The following ALG14 variants were observed in gnomAD, a reference collection of about 807,000 sequenced individuals.
ALG14 encodes ALG14 UDP-N-acetylglucosaminyltransferase subunit, also known as UDP-N-acetylglucosamine transferase subunit ALG14.
A neutral mutation model predicts 22.8 loss-of-function variants in ALG14; 17 were observed. The observed-to-expected ratio is 0.75, with a 90% CI of 0.51 to 1.12. The LOEUF (loss-of-function observed/expected upper bound fraction) is 1.12. Ranked by LOEUF, ALG14 falls within the 50% of genes most tolerant of loss-of-function variation. The pLI is 0.00. For missense variants in ALG14, 288 were observed against 271.8 expected (o/e 1.06, Z -0.42); for synonymous variants, 89 against 103.7 (o/e 0.86, Z 0.86).
chr1:95,020,501 G>A (rs1201010208), intron 3 of ALG14, among the ~76,000 whole-genome samples: 1 of 151,828 alleles, frequency 6.6e-6, no homozygotes, highest in Non-Finnish European at 1.5e-5. Context: ...CACTTTGGGA[G>A]GCCGAGGCGG....
At chr1:95,014,562 A>G (rs1451385018) in intron 3 of ALG14, among the ~76,000 whole-genome samples, 1 of 152,182 alleles carries the variant, frequency 6.6e-6, no homozygotes, top group Non-Finnish European at 1.5e-5. Context: ...TCCATTTCCC[A>G]TGGTGCCTAG....
intron 1 of ALG14, among the ~76,000 whole-genome samples, chr1:95,069,734 C>T (rs1157322449): frequency 6.6e-6 from 1 of 152,172 alleles, no homozygotes; most frequent in African/African-American, 2.4e-5. Flanking sequence ...CTTCTCCTGT[C>T]CTCTGTCTCT....
chr1:95,067,821 G>C (rs1342214452), intron 1 of ALG14, among the ~76,000 whole-genome samples: 1 of 152,058 alleles, frequency 6.6e-6, no homozygotes, highest in African/African-American at 2.4e-5. Context: ...AAATCCTCCA[G>C]TGGCTTCATG....
chr1:95,028,623 GC>G (rs1673899045), intron 2 of ALG14, among the ~76,000 whole-genome samples: 1 of 152,116 alleles, frequency 6.6e-6, no homozygotes. Context: ...TTTGAGACCA[GC>G]CTGGCCAACA....
At chr1:95,048,487 A>C (rs1458085116) in intron 2 of ALG14, among the ~76,000 whole-genome samples, 1 of 152,184 alleles carries the variant, frequency 6.6e-6, no homozygotes, top group African/African-American at 2.4e-5. Flanking sequence ...AGCAAATAAA[A>C]GAATGAACCA....
intron 3 of ALG14, among the ~76,000 whole-genome samples, chr1:94,986,422 A>C (rs983507471): frequency 6.6e-6 from 1 of 152,150 alleles, no homozygotes; most frequent in Non-Finnish European, 1.5e-5. Context: ...GCCAAACTTG[A>C]CCATCTGTAA....
In ALG14 at chr1:94,983,324, AG is replaced by A. The variant is rs1557936677; in HGVS notation, c.421-19del. On this transcript the variant is annotated intron_variant, in intron 3 of 3. Transcript: ENST00000370205. ...CACAACACCTGAAAGAAAAAGTTGA[AG>A]GTCAAATGAAAATACAGAATAATAA... 6.2e-7 allele frequency: 1 copy of A among 1,601,916 alleles called. No individual in the cohort carries two copies. The highest frequency in any genetic ancestry group is 8.5e-7 in the Non-Finnish European group (1 of 1,169,984).
At chr1:95,006,477 A>C (rs1413003934) in intron 3 of ALG14, among the ~76,000 whole-genome samples, 3 of 152,208 alleles carry the variant, frequency 2.0e-5, no homozygotes, top group Non-Finnish European at 2.9e-5. Context: ...CCATGGAAAC[A>C]CTTCAGAGAG....
intron 3 of ALG14, among the ~76,000 whole-genome samples, chr1:95,003,519 G>A (rs76357721): frequency 0.048 from 7,098 of 148,458 alleles, 227 homozygotes; most frequent in African/African-American, 0.087. Context: ...GCACCATAAT[G>A]ACTCACCACA....
At chr1:95,050,300 T>C (rs1017878947) in intron 2 of ALG14, among the ~76,000 whole-genome samples, 2 of 152,162 alleles carry the variant, frequency 1.3e-5, no homozygotes, top group African/African-American at 2.4e-5. Context: ...CACAGGAGTG[T>C]TTTCTATAGC....
chr1:94,998,782 G>A (rs1342000692), intron 3 of ALG14, among the ~76,000 whole-genome samples: 1 of 152,104 alleles, frequency 6.6e-6, no homozygotes, highest in Non-Finnish European at 1.5e-5. Context: ...TAACTCATAG[G>A]GTTACTGTGA....
rs1254768535 is a variant in ALG14 at position 94,978,283 on chromosome 1, G to C, written c.*4793C>G. 6.6e-6 allele frequency: 1 copy of C among 151,096 alleles called. No homozygotes were observed. The highest frequency in any genetic ancestry group is 1.5e-5 in the Non-Finnish European group (1 of 67,748). The allele number at this position is 151,096 out of a possible 1,614,324, so 9.4% of individuals were successfully genotyped here. A position where few individuals can be genotyped will look rare whatever the true frequency, so the allele number is the denominator to read the frequency against. On this transcript the variant is annotated 3_prime_UTR_variant, in exon 4 of 4. Coordinates refer to ENST00000370205, the MANE Select transcript of ALG14 (RefSeq NM_144988.4). ...TCACCATCTTGGCCAGGCTGGTCTT[G>C]AACTCCTGACCTTGTGATACACCCA...
intron 3 of ALG14, among the ~76,000 whole-genome samples, chr1:95,019,868 A>G (rs7537374): frequency 0.57 from 86,354 of 152,012 alleles, 25,680 homozygotes; most frequent in East Asian, 0.82. Flanking sequence ...TAATCCCAGC[A>G]ATAAGCTTTC....
chr1:95,069,174 G>A (rs992322683), intron 1 of ALG14, among the ~76,000 whole-genome samples: 7 of 152,132 alleles, frequency 4.6e-5, no homozygotes, highest in African/African-American at 1.7e-4. Flanking sequence ...CTTGAAGTGG[G>A]TGACTCTCCA....
chr1:95,004,215 CTTT>C (rs869303546), intron 3 of ALG14, among the ~76,000 whole-genome samples: 5 of 117,080 alleles, frequency 4.3e-5, no homozygotes, highest in East Asian at 2.5e-4. Flanking sequence ...GGGTAATTAA[CTTT>C]TTTTTTTTTT....
intron 2 of ALG14, among the ~76,000 whole-genome samples, chr1:95,045,819 A>C (rs1235842497): frequency 6.7e-6 from 1 of 149,330 alleles, no homozygotes; most frequent in Non-Finnish European, 1.5e-5. Flanking sequence ...GCATACTAAT[A>C]GAATTAATAT....
intron 2 of ALG14, among the ~76,000 whole-genome samples, chr1:95,055,791 G>C (rs1453733165): frequency 7.8e-6 from 1 of 127,870 alleles, no homozygotes; most frequent in Admixed American, 9.7e-5. Context: ...AGCAGATTGA[G>C]ACCATCCTGG....
At chr1:94,993,342 T>C (rs1362162673) in intron 3 of ALG14, among the ~76,000 whole-genome samples, 1 of 146,478 alleles carries the variant, frequency 6.8e-6, no homozygotes, top group East Asian at 1.9e-4. Context: ...TTAAATCTTA[T>C]TTATATTTAT....
rs1672555043 is a variant in ALG14, at chr1:94,983,476, T to C, written c.421-170A>G. ...CAGCGCATGTTTAAGCCCATGCACT[T>C]TGGAGCCAGGCAGAGCTGTGTTGTC... On this transcript the variant is annotated intron_variant, in intron 3 of 3. Transcript: ENST00000370205. 7 of 623,086 alleles carry C rather than the reference T, an allele frequency of 1.1e-5. No individual in the cohort carries two copies. In the South Asian group the frequency reaches 1.4e-4, roughly 12 times the overall value. 38.6% of individuals were successfully genotyped at this position (623,086 alleles called of 1,614,324 possible).
Sources: allele counts gnomAD v4.1 joint callset (sites outside exome capture counted in the v4.1 genomes callset), GRCh38; gene constraint gnomAD v4.1.1; transcripts MANE v1.5; gene names NCBI Gene and HGNC (gene_info 2026-07-23, HGNC 2026-07-21).